Variants in STOX1 observed in about 807,000 individuals in gnomAD.
STOX1 encodes the protein storkhead-box protein 1.
A neutral mutation model predicts 74.8 loss-of-function variants in STOX1; 57 were observed. The observed-to-expected ratio is 0.76, with a 90% CI of 0.62 to 0.95. The LOEUF is 0.95. Among genes scored for constraint, STOX1 ranks in the 40% least tolerant of loss-of-function variants. The pLI is 0.00. For missense variants in STOX1, 1,010 were observed against 1,117.0 expected, an observed-to-expected ratio of 0.90 and a Z score of 1.37; for synonymous variants, 375 against 401.3, an observed-to-expected ratio of 0.93 and a Z score of 0.78.
At chr10:68,860,728 C>A (rs943172232) in intron 1 of STOX1, among the ~76,000 whole-genome samples, 1 of 151,992 alleles carries the variant, frequency 6.6e-6, no homozygotes, top group Non-Finnish European at 1.5e-5. Flanking sequence ...ATGGGCCAAC[C>A]AGTGTTATCT....
intron 1 of STOX1, among the ~76,000 whole-genome samples, chr10:68,861,566 G>C (rs77040825): frequency 0.049 from 7,495 of 152,044 alleles, 241 homozygotes; most frequent in Middle Eastern, 0.1. Flanking sequence ...CCCCCTTTTT[G>C]TTTTTGCACG....
At chr10:68,882,957 C>CT (rs1383580915) in intron 2 of STOX1, among the ~76,000 whole-genome samples, 2 of 152,170 alleles carry the variant, frequency 1.3e-5, no homozygotes, top group Non-Finnish European at 2.9e-5. Context: ...TGCAGAGGCA[C>CT]CTTCTTAGAT....
chr10:68,887,467 A>G (rs1272946571), intron 3 of STOX1, among the ~76,000 whole-genome samples: 29 of 152,154 alleles, frequency 1.9e-4, no homozygotes, highest in Non-Finnish European at 2.9e-5. Context: ...TTTTTAGTAG[A>G]GACGAGTTTT....
intron 1 of STOX1, among the ~76,000 whole-genome samples, chr10:68,866,945 G>GTTTTTTT (rs71474450): frequency 1.1e-4 from 14 of 124,992 alleles, no homozygotes; most frequent in African/African-American, 3.0e-4. Context: ...TGCTTTCCTT[G>GTTTTTTT]TTTTTTTTTT....
intron 1 of STOX1, among the ~76,000 whole-genome samples, chr10:68,880,948 C>T (rs1441774912): frequency 6.6e-6 from 1 of 152,196 alleles, no homozygotes; most frequent in African/African-American, 2.4e-5. Context: ...CCCACCTCGG[C>T]CTCCCAAAAT....
At chr10:68,837,408 AG>A (rs1300008200) in intron 1 of STOX1, among the ~76,000 whole-genome samples, 10 of 152,164 alleles carry the variant, frequency 6.6e-5, no homozygotes, top group African/African-American at 2.4e-4. Flanking sequence ...GTTGGCACAA[AG>A]GGCCTGCAGA....
intron 3 of STOX1, among the ~76,000 whole-genome samples, chr10:68,889,008 G>C (rs1254553683): frequency 6.6e-6 from 1 of 150,968 alleles, no homozygotes; most frequent in African/African-American, 2.4e-5. Flanking sequence ...TTTGAGACAG[G>C]GTTGCAGTCT....
intron 1 of STOX1, among the ~76,000 whole-genome samples, chr10:68,843,231 T>C (rs1209286807): frequency 6.6e-6 from 1 of 151,900 alleles, no homozygotes; most frequent in African/African-American, 2.4e-5. Flanking sequence ...GGGGTCTCAC[T>C]CTGTTCCCCA....
At chr10:68,854,841 C>T (rs768341378) in intron 1 of STOX1, among the ~76,000 whole-genome samples, 1 of 152,066 alleles carries the variant, frequency 6.6e-6, no homozygotes, top group Non-Finnish European at 1.5e-5. Flanking sequence ...TAAGACATTA[C>T]CTTCTAGGCA....
In STOX1 at chr10:68,888,076, C is replaced by T. The variant is rs556655730; in HGVS notation, c.2822+1458C>T. On this transcript the variant is annotated intron_variant, in intron 3 of 3. Coordinates refer to ENST00000298596, the MANE Select transcript of STOX1 (RefSeq NM_152709.5). ...ACTTATTCTAACACACACACACGCG[C>T]GCACACACGCACACACACGCGCACA... Among the ~76,000 whole-genome samples the T allele has an allele frequency of 3.2e-4, 49 of 151,808 alleles. 1 individual carries two copies. In the South Asian group the frequency reaches 4.4e-3, roughly 14 times the overall value.
Position 68,827,647 on chromosome 10 carries a change from G to C in STOX1, c.24G>C (p.Ala8=). The part of the protein sequence containing the change: MARPVQL[A]PGSLALVLCR... ...GCATGGCCCGGCCCGTGCAGCTGGC[G>C]CCGGGCTCGCTGGCGCTAGTGCTGT... The change falls in exon 1 of 4, where the codon GCG becomes GCC. Residue 8 remains alanine (A), a synonymous_variant. Coordinates refer to ENST00000298596, the MANE Select transcript of STOX1 (RefSeq NM_152709.5). 1.7e-6 allele frequency: 2 copies of C among 1,143,976 alleles called. No homozygotes were observed. Among genetic ancestry groups the C allele is most frequent in the African/African-American group, 1.6e-5 (1 of 60,776 alleles). 70.9% of individuals were successfully genotyped at this position (1,143,976 alleles called of 1,614,324 possible).
downstream of STOX1, among the ~76,000 whole-genome samples, chr10:68,893,543 G>A (rs1273216655): frequency 2.6e-5 from 4 of 152,106 alleles, no homozygotes; most frequent in Admixed American, 2.0e-4. Flanking sequence ...CCAGCTTCCC[G>A]AGTAGCTGGG....
At chr10:68,846,134 ATTATT>A (rs1839846821) in intron 1 of STOX1, among the ~76,000 whole-genome samples, 1 of 140,966 alleles carries the variant, frequency 7.1e-6, no homozygotes, top group Non-Finnish European at 1.5e-5. Context: ...TATTATTATT[ATTATT>A]ATTATTATTA....
chr10:68,881,345 C>A (rs1033765256), intron 1 of STOX1, among the ~76,000 whole-genome samples: 1 of 152,222 alleles, frequency 6.6e-6, no homozygotes, highest in Non-Finnish European at 1.5e-5. Flanking sequence ...TCTATCCATG[C>A]CCTTAAATGT....
At position 68,881,958 on chromosome 10, in the gene STOX1, G is replaced by A. The variant is rs527445195; in HGVS notation, c.311G>A (p.Gly104Asp). The change falls in exon 2 of 4, where the codon GGT becomes GAT. Residue 104 changes from glycine (G) to aspartate (D), a missense_variant and splice_region_variant. Coordinates refer to ENST00000298596, the MANE Select transcript of STOX1 (RefSeq NM_152709.5). Reference sequence around the variant, plus strand: ...CCTTTTTTTTAAATCTCCAATTTAGGTGATGTCTTTCCAGTGCAAATGAAT... The same window carrying A: ...CCTTTTTTTTAAATCTCCAATTTAGATGATGTCTTTCCAGTGCAAATGAAT... The part of the protein sequence containing the change: ...PPRGFRIRAV[G>D]DVFPVQMNPI... The A allele has an allele frequency of 1.9e-6, 3 of 1,613,198 alleles. No homozygotes were observed. Among genetic ancestry groups the A allele is most frequent in the South Asian group, 1.1e-5 (1 of 91,058 alleles).
intron 3 of STOX1, among the ~76,000 whole-genome samples, chr10:68,891,376 T>C (rs530126856): frequency 9.2e-5 from 14 of 152,318 alleles, no homozygotes; most frequent in Non-Finnish European, 1.8e-4. Flanking sequence ...CATGAGACTT[T>C]AACAGTCAAA....
At chr10:68,831,293 T>G (rs573068122) in intron 1 of STOX1, among the ~76,000 whole-genome samples, 2 of 152,218 alleles carry the variant, frequency 1.3e-5, no homozygotes, top group Non-Finnish European at 2.9e-5. Context: ...GTTCATGCAA[T>G]TCTCCTGCCT....
chr10:68,845,738 A>T (rs958839446), intron 1 of STOX1, among the ~76,000 whole-genome samples: 35 of 151,474 alleles, frequency 2.3e-4, no homozygotes, highest in African/African-American at 8.3e-4. Flanking sequence ...AGTATCTGGG[A>T]TTATAGGCGC....
Position 68,827,533 on chromosome 10 carries a change from A to C in STOX1, c.-91A>C. The C allele has an allele frequency of 1.2e-6, 1 of 844,718 alleles. No homozygotes were observed. The highest frequency in any genetic ancestry group is 1.5e-6 in the Non-Finnish European group (1 of 681,028). 52.3% of individuals were successfully genotyped at this position (844,718 alleles called of 1,614,324 possible). A position where few individuals can be genotyped will look rare whatever the true frequency, so the allele number is the denominator to read the frequency against. On this transcript the variant is annotated 5_prime_UTR_variant, in exon 1 of 4. Transcript: ENST00000298596. ...CAGCCAGCGCCGCGGACCCGCGCGC[A>C]GTCGGCCGATCCTCCCGCCGAGCGA...
Sources: gnomAD v4.1 joint callset for allele counts (sites outside exome capture counted in the v4.1 genomes callset) on GRCh38, gnomAD v4.1.1 for gene constraint, MANE v1.5 for transcripts, NCBI Gene and HGNC (gene_info 2026-07-23, HGNC 2026-07-21) for gene names.